The following NCEH1 variants were observed in gnomAD, a reference collection of about 807,000 sequenced individuals.
NCEH1 encodes the protein 2-acetyl MAGE hydrolase.
A neutral mutation model predicts 25.4 loss-of-function variants in NCEH1; 9 were observed. The observed-to-expected ratio is 0.35, with a 90% CI of 0.21 to 0.62. NCEH1 has a LOEUF of 0.62. Ranked by LOEUF, NCEH1 falls within the 20% of genes least tolerant of loss-of-function variation. The pLI, the probability that NCEH1 is intolerant of heterozygous loss-of-function variation, is 0.72. For missense variants in NCEH1, 412 were observed against 501.1 expected (o/e 0.82, Z 1.70); for synonymous variants, 200 against 199.8 (o/e 1.00, Z -0.01).
intron 1 of NCEH1, 117 bp downstream of exon 1, chr3:172,710,730 G>T (rs770929485): frequency 2.5e-5 from 28 of 1,128,646 alleles, no homozygotes; most frequent in African/African-American, 6.2e-5. Context: ...AAAAGCGACA[G>T]CCTCAATGCA....
At chr3:172,668,928 T>TAAA (rs546075979) in intron 1 of NCEH1, among the ~76,000 whole-genome samples, 221 of 152,170 alleles carry the variant, frequency 1.5e-3, no homozygotes, top group South Asian at 3.1e-3. Flanking sequence ...ATGGGCTGGC[T>TAAA]AAAAACATAG....
At chr3:172,642,662 T>C (rs1246127343) in intron 3 of NCEH1, among the ~76,000 whole-genome samples, 1 of 149,804 alleles carries the variant, frequency 6.7e-6, no homozygotes, top group Non-Finnish European at 1.5e-5. Context: ...CCAAACATGC[T>C]GATAAATAAA....
At chr3:172,701,076 CT>C (rs1713649008) in intron 1 of NCEH1, among the ~76,000 whole-genome samples, 1 of 152,158 alleles carries the variant, frequency 6.6e-6, no homozygotes, top group Admixed American at 6.5e-5. Flanking sequence ...ATTTCAACTA[CT>C]TCTGCCACTA....
At chr3:172,650,584 G>A (rs1169632322) in intron 1 of NCEH1, among the ~76,000 whole-genome samples, 4 of 151,038 alleles carry the variant, frequency 2.6e-5, no homozygotes, top group African/African-American at 9.7e-5. Flanking sequence ...TGGAGGCAGA[G>A]CTTGCAGTGA....
rs1052918261 is a variant in NCEH1 at position 172,632,443 on chromosome 3, CA to C, written c.*1031del. On this transcript the variant is annotated 3_prime_UTR_variant, in exon 5 of 5. Coordinates refer to ENST00000475381, the MANE Select transcript of NCEH1 (RefSeq NM_020792.6). ...ACATTAAATAACTTAAAAAAATAAA[CA>C]ATACATTATATTGTAGCAAAATAGC... The C allele has an allele frequency of 3.2e-4, 48 of 152,270 alleles. No individual in the cohort carries two copies. Among genetic ancestry groups the C allele is most frequent in the African/African-American group, 1.1e-3 (47 of 41,346 alleles). 9.4% of individuals were successfully genotyped at this position (152,270 alleles called of 1,614,324 possible).
chr3:172,659,689 T>C (rs1311023277), intron 1 of NCEH1, among the ~76,000 whole-genome samples: 1 of 152,206 alleles, frequency 6.6e-6, no homozygotes, highest in African/African-American at 2.4e-5. Flanking sequence ...AGATTTTACA[T>C]CTTAAATTAA....
intron 1 of NCEH1, among the ~76,000 whole-genome samples, chr3:172,673,312 G>T (rs192406645): frequency 3.3e-5 from 5 of 152,234 alleles, no homozygotes; most frequent in African/African-American, 1.2e-4. Context: ...CACATAATGT[G>T]GCAGGATCAC....
intron 1 of NCEH1, among the ~76,000 whole-genome samples, chr3:172,693,110 T>A (rs75557052): frequency 0.025 from 3,829 of 152,302 alleles, 73 homozygotes; most frequent in Non-Finnish European, 0.039. Flanking sequence ...AGCATATTTG[T>A]TTGGGATTGT....
intron 1 of NCEH1, among the ~76,000 whole-genome samples, chr3:172,665,463 G>A (rs1170962194): frequency 2.0e-5 from 3 of 152,234 alleles, no homozygotes; most frequent in South Asian, 4.1e-4. Context: ...GAGGCAGTCT[G>A]TCCGTTCTCA....
chr3:172,644,074 C>T (rs191175340), intron 3 of NCEH1, among the ~76,000 whole-genome samples: 1 of 152,270 alleles, frequency 6.6e-6, no homozygotes, highest in Admixed American at 6.5e-5. Flanking sequence ...GCTGTCTGGA[C>T]TCTAGGGCTT....
rs1301046252 is a variant in NCEH1, at chr3:172,632,461, C to CA, written c.*1013dup. On this transcript the variant is annotated 3_prime_UTR_variant, in exon 5 of 5. Coordinates refer to ENST00000475381, the MANE Select transcript of NCEH1 (RefSeq NM_020792.6). The stretch of plus-strand genomic sequence containing the variant: ...AAATAAACAATACATTATATTGTAG[C>CA]AAAATAGCTCCATTTTAAAGCCATA... The CA allele has an allele frequency of 1.3e-5, 2 of 152,336 alleles. No homozygotes were observed. The highest frequency in any genetic ancestry group is 2.9e-5 in the Non-Finnish European group (2 of 67,986). 9.4% of individuals were successfully genotyped at this position (152,336 alleles called of 1,614,324 possible). A position where few individuals can be genotyped will look rare whatever the true frequency, so the allele number is the denominator to read the frequency against.
intron 1 of NCEH1, among the ~76,000 whole-genome samples, chr3:172,694,193 A>T (rs1271887076): frequency 6.6e-6 from 1 of 152,204 alleles, no homozygotes; most frequent in East Asian, 1.9e-4. Flanking sequence ...TTTAAATGTT[A>T]TACAACTATA....
chr3:172,637,992 A>G (rs1263122470), intron 3 of NCEH1, among the ~76,000 whole-genome samples: 1 of 152,184 alleles, frequency 6.6e-6, no homozygotes, highest in East Asian at 1.9e-4. Flanking sequence ...AGTTGCAGTG[A>G]GCTGAGATCG....
intron 1 of NCEH1, among the ~76,000 whole-genome samples, chr3:172,673,129 T>C (rs920252375): frequency 2.0e-5 from 3 of 152,206 alleles, no homozygotes; most frequent in Non-Finnish European, 4.4e-5. Flanking sequence ...TCTCTTCCTA[T>C]AGCGCAACTA....
At chr3:172,660,681 G>A (rs2108505677) in intron 1 of NCEH1, among the ~76,000 whole-genome samples, 1 of 152,326 alleles carries the variant, frequency 6.6e-6, no homozygotes, top group South Asian at 2.1e-4. Context: ...ACTGGTGTGA[G>A]ATGGTATCTC....
At chr3:172,658,659 C>T (rs576625509) in intron 1 of NCEH1, among the ~76,000 whole-genome samples, 3 of 152,156 alleles carry the variant, frequency 2.0e-5, no homozygotes, top group East Asian at 1.9e-4. Flanking sequence ...TAAGGAGAAC[C>T]TTACTGCCAC....
intron 1 of NCEH1, among the ~76,000 whole-genome samples, chr3:172,675,930 TATC>T (rs1326138707): frequency 6.6e-6 from 1 of 152,172 alleles, no homozygotes; most frequent in Non-Finnish European, 1.5e-5. Flanking sequence ...TTGTAAAACG[TATC>T]TCTTTTCGCC....
At chr3:172,672,790 A>G (rs2108513654) in intron 1 of NCEH1, among the ~76,000 whole-genome samples, 1 of 152,360 alleles carries the variant, frequency 6.6e-6, no homozygotes, top group South Asian at 2.1e-4. Flanking sequence ...TGCATCCATT[A>G]GTTGCTATCA....
At chr3:172,636,378 T>G (rs1430191897) in intron 3 of NCEH1, among the ~76,000 whole-genome samples, 1 of 145,596 alleles carries the variant, frequency 6.9e-6, no homozygotes, top group Non-Finnish European at 1.5e-5. Context: ...AAAATAAAAC[T>G]AACAAGTAAA....
Sources: gnomAD v4.1 joint callset for allele counts (sites outside exome capture counted in the v4.1 genomes callset) on GRCh38, gnomAD v4.1.1 for gene constraint, MANE v1.5 for transcripts, NCBI Gene and HGNC (gene_info 2026-07-23, HGNC 2026-07-21) for gene names.